The following PRR12 variants were observed in gnomAD, a reference collection of about 807,000 sequenced individuals.
PRR12 encodes the protein proline-rich protein 12.
A neutral mutation model predicts 138.0 loss-of-function variants in PRR12; 12 were observed. The observed-to-expected ratio is 0.09, with a 90% CI of 0.06 to 0.14. PRR12 has a LOEUF of 0.14. Among genes scored for constraint, PRR12 ranks in the 10% least tolerant of loss-of-function variants. The pLI, the probability that PRR12 is intolerant of heterozygous loss-of-function variation, is 1.00. For missense variants in PRR12, 2,692 were observed against 2,861.3 expected (o/e 0.94, Z 1.35); for synonymous variants, 1,567 against 1,291.7 (o/e 1.21, Z -4.57).
Position 49,596,536 on chromosome 19 carries a change from G to A in PRR12, c.2201G>A (p.Arg734Gln), listed in dbSNP as rs368869078. 531 of 1,608,598 alleles carry A rather than the reference G, an allele frequency of 3.3e-4. 1 individual carries two copies. The highest frequency in any genetic ancestry group is 3.9e-4 in the Non-Finnish European group (465 of 1,178,130). ...AAGGAGAAGAAGAAAGGGCCAGAGC[G>A]GGGTGGCGAGACCCCCGAGGGGCTG... Reference protein sequence around the residue: ...RLKEKKKGPERGGETPEGLAT... With the variant: ...RLKEKKKGPEQGGETPEGLAT... The change falls in exon 4 of 14, where the codon CGG (arginine) becomes CAG (glutamine). Residue 734 changes from arginine (R) to glutamine (Q), a missense_variant. This residue lies in a region of PRR12 where 840 missense variants were observed against 689.8 expected (regional missense o/e 1.22). Transcript: ENST00000418929. This position sits in a 1 kb window ranked among gnomAD's most constrained non-coding sequence, Gnocchi z 5.6.
intron 6 of PRR12, among the ~76,000 whole-genome samples, chr19:49,607,361 G>GCGCACACACACACACACACACACACACA (rs1555742564): frequency 4.7e-5 from 7 of 147,758 alleles, no homozygotes; most frequent in Middle Eastern, 3.3e-3. Context: ...ATGTACGTGT[G>GCGCACACACACACACACACACACACACA]CACACACACA....
chr19:49,603,914 G>A (rs553075899), intron 6 of PRR12, among the ~76,000 whole-genome samples: 99 of 151,924 alleles, frequency 6.5e-4, no homozygotes, highest in Admixed American at 8.5e-4. Flanking sequence ...TCTGCTGCCC[G>A]GGTTCAAGCG....
chr19:49,591,938 G>C (rs1166882741), intron 1 of PRR12, among the ~76,000 whole-genome samples, 198 bp downstream of exon 1: 3 of 152,132 alleles, frequency 2.0e-5, no homozygotes, highest in Non-Finnish European at 4.4e-5. Context: ...AGCCAGCTCC[G>C]GCATGCAAAG....
chr19:49,609,807 G>T (rs1325497144), intron 6 of PRR12, among the ~76,000 whole-genome samples: 2 of 152,092 alleles, frequency 1.3e-5, no homozygotes, highest in Admixed American at 1.3e-4. Context: ...CTTGGGTGCA[G>T]GGGTGAGTTC....
At position 49,625,112 on chromosome 19, in the gene PRR12, A is replaced by G. The variant is rs753426658; in HGVS notation, c.5876A>G (p.Lys1959Arg). Residue 1959 changes from lysine to arginine, a missense_variant, in exon 13 of 14, where the codon AAG becomes AGG. Around this residue, in one of 11 missense-constraint regions of PRR12, gnomAD observed 116 missense variants for 243.4 expected, o/e 0.48. Transcript: ENST00000418929. This position sits in a 1 kb window ranked among gnomAD's most constrained non-coding sequence, Gnocchi z 5.5. ...ATCTCCACTCCTACCCAGGAGTTCAAGGTTGAGCTGGAAAAGTCGGGATAC... is the reference window on the plus strand; with the variant it reads ...ATCTCCACTCCTACCCAGGAGTTCAGGGTTGAGCTGGAAAAGTCGGGATAC... ...KRSVVRAQEF[K>R]VELEKSGYYT... 2 of 1,613,492 alleles carry G rather than the reference A, an allele frequency of 1.2e-6. No homozygotes were observed. The highest frequency in any genetic ancestry group is 1.3e-5 in the African/African-American group (1 of 74,834).
chr19:49,619,821 C>A (rs2080912419), intron 9 of PRR12, among the ~76,000 whole-genome samples: 1 of 149,500 alleles, frequency 6.7e-6, no homozygotes, highest in South Asian at 2.1e-4. Context: ...GGATTGCAGG[C>A]CACAGCACTT....
Position 49,596,571 on chromosome 19 carries a change from G to A in PRR12, c.2236G>A (p.Val746Ile). Reference sequence around the variant, plus strand: ...GACCCCCGAGGGGCTGGCCACCTCTGTTGTCCACTACGGGGCAGGCGCCAA... The same window carrying A: ...GACCCCCGAGGGGCTGGCCACCTCTATTGTCCACTACGGGGCAGGCGCCAA... ...GETPEGLATS[V>I]VHYGAGAKEL... Residue 746 changes from valine to isoleucine, a missense_variant, in exon 4 of 14, where the codon GTT becomes ATT. Physicochemically the swap from Val to Ile is conservative, Grantham distance 29 (BLOSUM62 3). This residue lies in a region of PRR12 where 840 missense variants were observed against 689.8 expected (regional missense o/e 1.22). Coordinates refer to ENST00000418929, the MANE Select transcript of PRR12 (RefSeq NM_020719.3). This position sits in a 1 kb window ranked among gnomAD's most constrained non-coding sequence, Gnocchi z 5.6. 1 of 1,602,468 alleles carries A rather than the reference G, an allele frequency of 6.2e-7. No individual in the cohort carries two copies. Among genetic ancestry groups the A allele is most frequent in the Non-Finnish European group, 8.5e-7 (1 of 1,175,310 alleles).
chr19:49,625,701 C>T lies in PRR12; in HGVS notation c.*94C>T, dbSNP rs569285213. 162 of 1,452,742 alleles carry T rather than the reference C, an allele frequency of 1.1e-4. 1 individual carries two copies. In the South Asian group the frequency reaches 1.6e-3, roughly 14 times the overall value. 90.0% of individuals were successfully genotyped at this position (1,452,742 alleles called of 1,614,324 possible). On this transcript the variant is annotated 3_prime_UTR_variant, in exon 14 of 14. Transcript: ENST00000418929. This position sits in a 1 kb window ranked among gnomAD's most constrained non-coding sequence, Gnocchi z 5.5. ...GGAGCTAACACCTGGGCTCCATCGC[C>T]GGGGAAAGGGGGTCATGGGTCAGGG...
chr19:49,599,329 A>G lies in PRR12; in HGVS notation c.3736A>G (p.Ile1246Val), dbSNP rs757232419. The change falls in exon 5 of 14, where the codon ATA (isoleucine) becomes GTA (valine). Residue 1246 changes from isoleucine (I) to valine (V), a missense_variant. Around this residue, in one of 11 missense-constraint regions of PRR12, gnomAD observed 326 missense variants for 344.2 expected, o/e 0.95. Transcript: ENST00000418929. The surrounding 1 kb of genome is among the most constrained non-coding windows in gnomAD (Gnocchi z 5.0). ...EGLGTSSGDA[I>V]SGTDHNSLDS... ...TCTGGGAACCTCATCGGGTGATGCC[A>G]TATCAGGCACTGACCACAACAGCCT... is the stretch of plus-strand genomic sequence containing the variant. 15 of 1,613,042 alleles carry G rather than the reference A, an allele frequency of 9.3e-6. No homozygotes were observed. The highest frequency in any genetic ancestry group is 6.7e-5 in the East Asian group (3 of 44,882).
In PRR12 at chr19:49,596,400, G is replaced by A. The variant is rs755894576; in HGVS notation, c.2065G>A (p.Glu689Lys). The A allele has an allele frequency of 1.4e-5, 23 of 1,606,326 alleles. No individual in the cohort carries two copies. In the South Asian group the frequency reaches 1.9e-4, roughly 13 times the overall value. ...CGGGGGACCACCGGGTACACCCTAC[G>A]AGTTGGCCAAGGAAGACCCCCAGAG... ...GAGGPPGTPYELAKEDPQRYH... is the reference protein window; with the variant it reads ...GAGGPPGTPYKLAKEDPQRYH... Residue 689 changes from glutamate to lysine, a missense_variant, in exon 4 of 14, where the codon GAG (glutamate) becomes AAG (lysine). Coordinates refer to ENST00000418929, the MANE Select transcript of PRR12 (RefSeq NM_020719.3). This position sits in a 1 kb window ranked among gnomAD's most constrained non-coding sequence, Gnocchi z 5.6.
intron 6 of PRR12, among the ~76,000 whole-genome samples, chr19:49,613,021 C>G (rs2080874445): frequency 6.6e-6 from 1 of 151,928 alleles, no homozygotes; most frequent in African/African-American, 2.4e-5. Context: ...GTCACCTATT[C>G]CAGGAAGCAT....
In PRR12 at chr19:49,621,625, G is replaced by A. The variant is rs538471003; in HGVS notation, c.5721+3G>A. 3.8e-6 allele frequency: 6 copies of A among 1,585,168 alleles called. No individual in the cohort carries two copies. The East Asian group carries it at 1.4e-4, about 37-fold the overall frequency. Reference sequence around the variant, plus strand: ...TGTCGCTAAGCCCAGCCCTGCAGGTGCCTGGGGGTCTGGGCAGGGGGTGTC... The same window carrying A: ...TGTCGCTAAGCCCAGCCCTGCAGGTACCTGGGGGTCTGGGCAGGGGGTGTC... On this transcript the variant is annotated splice_donor_region_variant and intron_variant, in intron 11 of 13. Coordinates refer to ENST00000418929, the MANE Select transcript of PRR12 (RefSeq NM_020719.3).
chr19:49,597,987 C>G lies in PRR12; in HGVS notation c.3652C>G (p.Arg1218Gly). 1 of 1,383,832 alleles carries G rather than the reference C, an allele frequency of 7.2e-7. No individual in the cohort carries two copies. 85.7% of individuals were successfully genotyped at this position (1,383,832 alleles called of 1,614,324 possible). A position where few individuals can be genotyped will look rare whatever the true frequency, so the allele number is the denominator to read the frequency against. ...AAAGGCTGAGGAGGCAGGGGGCACC[C>G]GGTTGGAGCCCCTGAAGCCACTTAA... ...GRKAEEAGGT[R>G]LEPLKPLKIK... The change falls in exon 4 of 14, where the codon CGG becomes GGG. Residue 1218 changes from arginine to glycine, a missense_variant. Around this residue, in one of 11 missense-constraint regions of PRR12, gnomAD observed 326 missense variants for 344.2 expected, o/e 0.95. Coordinates refer to ENST00000418929, the MANE Select transcript of PRR12 (RefSeq NM_020719.3). This position sits in a 1 kb window ranked among gnomAD's most constrained non-coding sequence, Gnocchi z 6.3.
chr19:49,624,815 C>T (rs61374887), intron 11 of PRR12, 29 bp from the exon 12 acceptor site: 63,798 of 1,604,174 alleles, frequency 0.04, 1,825 homozygotes, highest in South Asian at 0.11. Flanking sequence ...TCCAGGGCAG[C>T]ATCCAGCTGA....
intron 6 of PRR12, among the ~76,000 whole-genome samples, chr19:49,611,223 A>C (rs999197203): frequency 5.3e-5 from 8 of 151,850 alleles, no homozygotes; most frequent in African/African-American, 1.9e-4. Flanking sequence ...CTTGGTGGGT[A>C]GGTGGCTGAG....
At chr19:49,611,719 C>T (rs911974444) in intron 6 of PRR12, among the ~76,000 whole-genome samples, 23 of 146,096 alleles carry the variant, frequency 1.6e-4, no homozygotes, top group Non-Finnish European at 3.0e-4. Context: ...GTCAGGAGAT[C>T]GAGACCATCC....
chr19:49,611,314 G>A (rs2080864721), intron 6 of PRR12, among the ~76,000 whole-genome samples: 1 of 151,692 alleles, frequency 6.6e-6, no homozygotes, highest in Non-Finnish European at 1.5e-5. Context: ...CTGGGTAACG[G>A]ACTGAGAGGG....
rs1404124773 is a variant in PRR12, at chr19:49,621,560, G to A, written c.5659G>A (p.Gly1887Ser). 11 of 1,607,502 alleles carry A rather than the reference G, an allele frequency of 6.8e-6. No homozygotes were observed. In the South Asian group the frequency reaches 1.1e-4, roughly 16 times the overall value. The part of the protein sequence containing the change: ...LYLPPMRKID[G>S]LLNEHKKKVL... ...CCTGCCCCCCATGCGGAAGATAGACGGCCTGCTGAATGAGCACAAGAAGAA... is the reference window on the plus strand; with the variant it reads ...CCTGCCCCCCATGCGGAAGATAGACAGCCTGCTGAATGAGCACAAGAAGAA... Residue 1887 changes from glycine (G) to serine (S), a missense_variant, in exon 11 of 14, where the codon GGC becomes AGC. Gly to Ser is a moderately conservative substitution (Grantham distance 56). Transcript: ENST00000418929.
intron 6 of PRR12, among the ~76,000 whole-genome samples, chr19:49,607,766 C>T (rs1022318799): frequency 2.6e-5 from 4 of 151,230 alleles, no homozygotes; most frequent in South Asian, 2.1e-4. Context: ...CGCCTGTAAT[C>T]GCAGCACTTT....
Sources: allele counts gnomAD v4.1 joint callset (sites outside exome capture counted in the v4.1 genomes callset), GRCh38; gene constraint gnomAD v4.1.1; regional missense constraint gnomAD v4.1.1; non-coding constraint Gnocchi (gnomAD v3.1); transcripts MANE v1.5; gene names NCBI Gene and HGNC (gene_info 2026-07-23, HGNC 2026-07-21).